Variants in DLGAP2 observed in about 807,000 individuals in gnomAD.
DLGAP2 encodes the protein DLG associated protein 2.
Under a neutral mutation model 100.3 loss-of-function variants are expected in DLGAP2, and 26 were observed. That is an observed-to-expected ratio of 0.26 (90% CI 0.19 to 0.36). The LOEUF is 0.36. Among genes scored for constraint, DLGAP2 ranks in the 10% least tolerant of loss-of-function variants. DLGAP2 has a pLI of 1.00. For missense variants in DLGAP2, 1,858 were observed against 1,453.2 expected (o/e 1.28, Z -4.53); for synonymous variants, 886 against 630.1 (o/e 1.41, Z -6.08).
intron 1 of DLGAP2, among the ~76,000 whole-genome samples, chr8:825,452 G>A (rs939371626): frequency 6.6e-6 from 1 of 152,160 alleles, no homozygotes; most frequent in Admixed American, 6.5e-5. Flanking sequence ...TCCTTCCAGC[G>A]GTGAGTGCCA....
chr8:1,598,346 C>T (rs1313528287), intron 6 of DLGAP2, among the ~76,000 whole-genome samples: 1 of 152,138 alleles, frequency 6.6e-6, no homozygotes, highest in Non-Finnish European at 1.5e-5. Context: ...GTGTCTCTGC[C>T]AGGTTGTGGT....
intron 3 of DLGAP2, among the ~76,000 whole-genome samples, chr8:1,418,906 C>G (rs1797012540): frequency 6.6e-6 from 1 of 152,218 alleles, no homozygotes; most frequent in Non-Finnish European, 1.5e-5. Context: ...ACCTCCAGTT[C>G]AGTGATTTGC....
chr8:990,374 A>G (rs1220644933), intron 2 of DLGAP2, among the ~76,000 whole-genome samples: 1 of 66,432 alleles, frequency 1.5e-5, no homozygotes, highest in Non-Finnish European at 2.9e-5. Context: ...GACCCCCTGC[A>G]CCCCCATACT....
At chr8:968,726 A>G (rs4735834) in intron 2 of DLGAP2, among the ~76,000 whole-genome samples, 62,662 of 152,020 alleles carry the variant, frequency 0.41, 13,383 homozygotes, top group Admixed American at 0.54. Context: ...CACCTGTGTC[A>G]GCGAGTGACA....
intron 12 of DLGAP2, among the ~76,000 whole-genome samples, chr8:1,681,573 G>T (rs1798946903): frequency 6.6e-6 from 1 of 152,070 alleles, no homozygotes; most frequent in Non-Finnish European, 1.5e-5. Flanking sequence ...TGGGAGGATT[G>T]CCTGAGCCCC....
intron 6 of DLGAP2, among the ~76,000 whole-genome samples, chr8:1,599,727 T>G (rs1030996234): frequency 6.6e-5 from 10 of 152,212 alleles, no homozygotes; most frequent in African/African-American, 2.4e-4. Flanking sequence ...GTTTGCTTGG[T>G]AAATATTCCT....
At chr8:1,233,128 A>G (rs1426281045) in intron 2 of DLGAP2, among the ~76,000 whole-genome samples, 1 of 152,180 alleles carries the variant, frequency 6.6e-6, no homozygotes, top group Non-Finnish European at 1.5e-5. Flanking sequence ...CACTCCCTCC[A>G]TGCTTTTAAT....
chr8:1,195,712 T>C (rs1409196650), intron 2 of DLGAP2, among the ~76,000 whole-genome samples: 9 of 152,244 alleles, frequency 5.9e-5, no homozygotes, highest in Admixed American at 5.9e-4. Context: ...GTGTGTTGTA[T>C]GTCAGAACGT....
intron 3 of DLGAP2, chr8:1,302,309 G>T (rs1800370082): frequency 7.6e-6 from 1 of 132,086 alleles, no homozygotes; most frequent in Non-Finnish European, 1.6e-5. Context: ...GGAATTTTCT[G>T]TGAGTTCCCG....
At chr8:1,496,665 G>A (rs543095642) in intron 3 of DLGAP2, among the ~76,000 whole-genome samples, 2 of 152,276 alleles carry the variant, frequency 1.3e-5, no homozygotes, top group East Asian at 3.9e-4. Flanking sequence ...AGACCCCTCT[G>A]GGCCACAGGG....
At chr8:1,249,575 T>A (rs987244892) in intron 2 of DLGAP2, among the ~76,000 whole-genome samples, 5 of 152,326 alleles carry the variant, frequency 3.3e-5, no homozygotes, top group African/African-American at 1.2e-4. Flanking sequence ...TACGACTGAA[T>A]GGCTGACCAC....
At chr8:1,207,223 C>T (rs1241987976) in intron 2 of DLGAP2, among the ~76,000 whole-genome samples, 1 of 152,164 alleles carries the variant, frequency 6.6e-6, no homozygotes, top group Non-Finnish European at 1.5e-5. Context: ...GTCTTTTATC[C>T]TCCACCCCTT....
At chr8:1,069,094 T>G (rs1803348895) in intron 2 of DLGAP2, among the ~76,000 whole-genome samples, 1 of 152,182 alleles carries the variant, frequency 6.6e-6, no homozygotes, top group Non-Finnish European at 1.5e-5. Flanking sequence ...AGACACACAT[T>G]TATTGCAGCT....
At chr8:1,298,386 C>T (rs957663803) in intron 3 of DLGAP2, among the ~76,000 whole-genome samples, 13 of 152,186 alleles carry the variant, frequency 8.5e-5, no homozygotes, top group East Asian at 1.9e-4. Flanking sequence ...CTGGCACTGT[C>T]GCCGTCCCTC....
At chr8:1,377,574 A>G (rs10046785) in intron 3 of DLGAP2, among the ~76,000 whole-genome samples, 11,309 of 152,196 alleles carry the variant, frequency 0.074, 612 homozygotes, top group East Asian at 0.22. Flanking sequence ...ATAAAGATGC[A>G]CAGGTCTTCA....
rs574415190 is a variant in DLGAP2 at position 1,476,530 on chromosome 8, C to T, written c.107-24836C>T. On this transcript the variant is annotated intron_variant, in intron 3 of 14. Transcript: ENST00000637795. ...CCGCTGACACCAGCTTGGGTATTTT[C>T]ATCACACACCTCCTCATGGTTCCCC... Among the ~76,000 whole-genome samples, 54 of 152,152 alleles carry T rather than the reference C, an allele frequency of 3.5e-4. 1 individual carries two copies. Among genetic ancestry groups the T allele is most frequent in the Non-Finnish European group, 2.4e-4 (16 of 68,034 alleles).
At chr8:1,225,139 TCA>T (rs1326298542) in intron 2 of DLGAP2, among the ~76,000 whole-genome samples, 1 of 152,228 alleles carries the variant, frequency 6.6e-6, no homozygotes, top group Admixed American at 6.5e-5. Context: ...GCGTCCATGC[TCA>T]CAGCAGTGCT....
At chr8:809,534 G>A (rs1290242485) in intron 1 of DLGAP2, among the ~76,000 whole-genome samples, 1 of 151,696 alleles carries the variant, frequency 6.6e-6, no homozygotes, top group Non-Finnish European at 1.5e-5. Flanking sequence ...CACAGCATGA[G>A]TCTGTCTAGT....
intron 2 of DLGAP2, among the ~76,000 whole-genome samples, chr8:1,024,621 T>C (rs1801738034): frequency 6.6e-6 from 1 of 152,184 alleles, no homozygotes; most frequent in African/African-American, 2.4e-5. Context: ...CCTCATGCTC[T>C]GTTGTATGAC....
Sources: gnomAD v4.1 joint callset for allele counts (sites outside exome capture counted in the v4.1 genomes callset) on GRCh38, gnomAD v4.1.1 for gene constraint, MANE v1.5 for transcripts, NCBI Gene and HGNC (gene_info 2026-07-23, HGNC 2026-07-21) for gene names.